TTC6: variants seen among roughly 807,000 people sequenced by gnomAD.
The protein encoded by TTC6 is tetratricopeptide repeat protein 6.
TTC6 carries 172 observed loss-of-function variants against 210.4 expected under a neutral mutation model. That is an observed-to-expected ratio of 0.82 (90% CI 0.72 to 0.93). The LOEUF is 0.93. Ranked by LOEUF, TTC6 falls within the 40% of genes least tolerant of loss-of-function variation. The pLI, the probability that TTC6 is intolerant of heterozygous loss-of-function variation, is 0.00. For synonymous variants in TTC6, 804 were observed against 819.6 expected, an observed-to-expected ratio of 0.98 and a Z score of 0.32; for missense variants, 2,414 against 2,318.1, an observed-to-expected ratio of 1.04 and a Z score of -0.85.
intron 21 of TTC6, among the ~76,000 whole-genome samples, chr14:37,805,773 T>C (rs2096117194): frequency 6.6e-6 from 1 of 152,172 alleles, no homozygotes; most frequent in African/African-American, 2.4e-5. Context: ...CGATCTCGGC[T>C]CACTGCAACC....
chr14:37,818,844 A>G (rs746591491), intron 26 of TTC6, among the ~76,000 whole-genome samples: 5 of 152,180 alleles, frequency 3.3e-5, no homozygotes, highest in Non-Finnish European at 7.4e-5. Context: ...AAGAGATGGA[A>G]TAACGATGAC....
exon 23 of TTC6, chr14:37,807,329 A>G: frequency 6.6e-7 from 1 of 1,525,164 alleles, no homozygotes; most frequent in Non-Finnish European, 8.8e-7. Context: ...GGCATATTTA[A>G]GCCGAGTAGC....
At chr14:37,685,823 G>A (rs2095792650) in intron 3 of TTC6, among the ~76,000 whole-genome samples, 1 of 152,158 alleles carries the variant, frequency 6.6e-6, no homozygotes, top group African/African-American at 2.4e-5. Flanking sequence ...AATGCCTGGA[G>A]AGTGGCAACT....
intron 6 of TTC6, among the ~76,000 whole-genome samples, chr14:37,717,209 T>A (rs2095854219): frequency 2.1e-5 from 3 of 145,284 alleles, no homozygotes; most frequent in Admixed American, 6.8e-5. Flanking sequence ...GCAGAAGGAA[T>A]AAAAGCAGAA....
At chr14:37,838,461 C>G (rs1365300093) in intron 29 of TTC6, among the ~76,000 whole-genome samples, 1 of 152,076 alleles carries the variant, frequency 6.6e-6, no homozygotes, top group Non-Finnish European at 1.5e-5. Flanking sequence ...CTTGAGGGTC[C>G]CTTTCAGATC....
At chr14:37,782,112 T>C (rs1455825741) in intron 14 of TTC6, among the ~76,000 whole-genome samples, 2 of 152,214 alleles carry the variant, frequency 1.3e-5, no homozygotes, top group African/African-American at 2.4e-5. Context: ...CAATGCGGGC[T>C]CTCTTTTGGT....
intron 14 of TTC6, among the ~76,000 whole-genome samples, chr14:37,759,683 G>C (rs7154100): frequency 6.6e-6 from 1 of 152,118 alleles, no homozygotes; most frequent in African/African-American, 2.4e-5. Flanking sequence ...TATTTCTTGG[G>C]GGCTTTGTTC....
At chr14:37,651,399 ATATATATATATATATATATATATATATTT>A (rs2095711032) in intron 1 of TTC6, among the ~76,000 whole-genome samples, 5 of 16,968 alleles carry the variant, frequency 2.9e-4, no homozygotes, top group African/African-American at 1.1e-3. Flanking sequence ...ATATATATAT[ATATATATATATATATATATATATATATTT>A]TTTTTTTTTT....
At chr14:37,663,597 T>C (rs576618642) in intron 1 of TTC6, among the ~76,000 whole-genome samples, 133 of 152,258 alleles carry the variant, frequency 8.7e-4, no homozygotes, top group African/African-American at 3.0e-3. Context: ...TTTTTTACCT[T>C]ATTAGTTATG....
At chr14:37,804,912 C>A in intron 21 of TTC6, 98 bp downstream of exon 23, 1 of 1,379,814 alleles carries the variant, frequency 7.2e-7, no homozygotes, top group Non-Finnish European at 1.0e-6. Flanking sequence ...CAGTGGGCAA[C>A]CGGTCCAAAG....
chr14:37,667,351 C>T (rs925728780), intron 1 of TTC6, among the ~76,000 whole-genome samples: 1 of 150,420 alleles, frequency 6.6e-6, no homozygotes, highest in African/African-American at 2.4e-5. Flanking sequence ...TACTATGAAT[C>T]GGATGTGAAT....
chr14:37,735,880 A>G (rs2138918891), intron 7 of TTC6, 41 bp from the exon 10 acceptor site: 6 of 1,264,460 alleles, frequency 4.7e-6, no homozygotes, highest in Non-Finnish European at 1.1e-6. Flanking sequence ...TTTAAAAAGT[A>G]TTCCAAAACA....
chr14:37,828,134 C>T (rs1013075779), intron 29 of TTC6, among the ~76,000 whole-genome samples: 20 of 152,070 alleles, frequency 1.3e-4, no homozygotes, highest in African/African-American at 4.8e-4. Flanking sequence ...TTTTGTGTGA[C>T]ACCTTAATCT....
chr14:37,793,974 G>A (rs1270320162), intron 17 of TTC6, among the ~76,000 whole-genome samples: 1 of 152,154 alleles, frequency 6.6e-6, no homozygotes, highest in African/African-American at 2.4e-5. Context: ...ATAAACCCTT[G>A]TGTATGTATG....
chr14:37,651,514 T>C (rs371449763), intron 1 of TTC6, among the ~76,000 whole-genome samples: 15 of 147,942 alleles, frequency 1.0e-4, no homozygotes, highest in Non-Finnish European at 2.1e-4. Context: ...TCATAAATAT[T>C]GTCAAGTACC....
At chr14:37,678,355 G>A (rs953160782) in intron 1 of TTC6, among the ~76,000 whole-genome samples, 2 of 152,060 alleles carry the variant, frequency 1.3e-5, no homozygotes, top group Non-Finnish European at 2.9e-5. Context: ...GTGAGCTCTG[G>A]GAATTGTGAC....
In TTC6 at chr14:37,781,998, G is replaced by T. The variant is rs533113734; in HGVS notation, c.3267-5470G>T. On this transcript the variant is annotated intron_variant, in intron 14 of 30. Transcript: ENST00000553443. The stretch of plus-strand genomic sequence containing the variant: ...TTCATTGGTCTATATCTCTGTTTTG[G>T]TACCAGTACCATGCTGTTTTGGTTA... Among the ~76,000 whole-genome samples, 4 of 152,150 alleles carry T rather than the reference G, an allele frequency of 2.6e-5. No individual in the cohort carries two copies. In the East Asian group the frequency reaches 7.7e-4, roughly 29 times the overall value.
chr14:37,632,089 T>C (rs988737059), intron 1 of TTC6, among the ~76,000 whole-genome samples: 9 of 152,182 alleles, frequency 5.9e-5, no homozygotes, highest in African/African-American at 2.2e-4. Context: ...GAGTTTGTTA[T>C]TACCCACTTT....
chr14:37,627,979 T>C (rs1056221348), intron 1 of TTC6, among the ~76,000 whole-genome samples: 2 of 152,118 alleles, frequency 1.3e-5, no homozygotes, highest in Non-Finnish European at 2.9e-5. Context: ...TTGTTTTTGT[T>C]TTTGTTTTGA....
Sources: gnomAD v4.1 joint callset for allele counts (sites outside exome capture counted in the v4.1 genomes callset) on GRCh38, gnomAD v4.1.1 for gene constraint, MANE v1.5 for transcripts, NCBI Gene and HGNC (gene_info 2026-07-23, HGNC 2026-07-21) for gene names.